FSTL5: variants seen among roughly 807,000 people sequenced by gnomAD.
FSTL5 encodes follistatin-related protein 5.
A neutral mutation model predicts 89.1 loss-of-function variants in FSTL5; 62 were observed. The observed-to-expected ratio is 0.70, with a 90% CI of 0.57 to 0.86. The LOEUF (loss-of-function observed/expected upper bound fraction) is 0.86, where lower values mean the gene tolerates loss of function less well. FSTL5 is among the 40% of genes least tolerant of loss of function. FSTL5 has a pLI of 0.00. For missense variants in FSTL5, 1,057 were observed against 1,001.6 expected (o/e 1.06, Z -0.75); for synonymous variants, 383 against 346.2 (o/e 1.11, Z -1.18).
intron 3 of FSTL5, among the ~76,000 whole-genome samples, chr4:161,944,370 GA>G (rs1273980143): frequency 1.3e-5 from 2 of 151,684 alleles, no homozygotes; most frequent in Non-Finnish European, 2.9e-5. Context: ...TTAAAAATTA[GA>G]AAAAAATTTA....
intron 6 of FSTL5, among the ~76,000 whole-genome samples, chr4:161,660,797 C>T (rs2126686729): frequency 6.6e-6 from 1 of 152,224 alleles, no homozygotes; most frequent in South Asian, 2.1e-4. Context: ...TGGCAAAGAA[C>T]ATGATCTTGT....
At chr4:161,633,189 C>T (rs1473141679) in intron 7 of FSTL5, among the ~76,000 whole-genome samples, 4 of 151,462 alleles carry the variant, frequency 2.6e-5, no homozygotes, top group African/African-American at 9.7e-5. Flanking sequence ...TATTTAGCAT[C>T]CCTCAAAACT....
At chr4:161,972,951 T>G (rs45426) in intron 3 of FSTL5, among the ~76,000 whole-genome samples, 96,935 of 152,030 alleles carry the variant, frequency 0.64, 31,921 homozygotes, top group African/African-American at 0.81. Flanking sequence ...CTGCCTCTAT[T>G]TTTCAACTGC....
chr4:161,880,930 T>C (rs1456628266), intron 4 of FSTL5, among the ~76,000 whole-genome samples: 1 of 151,996 alleles, frequency 6.6e-6, no homozygotes, highest in African/African-American at 2.4e-5. Context: ...AAAGGAAATT[T>C]TTTTGAGTGA....
At chr4:162,017,970 G>T (rs1024037083) in intron 3 of FSTL5, among the ~76,000 whole-genome samples, 1 of 152,024 alleles carries the variant, frequency 6.6e-6, no homozygotes, top group African/African-American at 2.4e-5. Flanking sequence ...TGCTTTGCTA[G>T]AACCCCTCCA....
intron 6 of FSTL5, among the ~76,000 whole-genome samples, chr4:161,686,081 T>C (rs1737699971): frequency 6.6e-6 from 1 of 151,874 alleles, no homozygotes; most frequent in African/African-American, 2.4e-5. Context: ...TGTGAAACCA[T>C]CCCTGTATCC....
At chr4:161,752,212 A>G (rs1303679071) in intron 6 of FSTL5, among the ~76,000 whole-genome samples, 1 of 149,206 alleles carries the variant, frequency 6.7e-6, no homozygotes, top group Non-Finnish European at 1.5e-5. Flanking sequence ...AAATATAGAC[A>G]GATGATAGAT....
chr4:161,724,439 CAT>C (rs1739323199), intron 6 of FSTL5, among the ~76,000 whole-genome samples: 1 of 152,028 alleles, frequency 6.6e-6, no homozygotes, highest in Admixed American at 6.5e-5. Context: ...AACATTCACT[CAT>C]ATATGTACAT....
intron 6 of FSTL5, among the ~76,000 whole-genome samples, chr4:161,742,303 C>T (rs531157900): frequency 1.3e-5 from 2 of 152,156 alleles, no homozygotes; most frequent in South Asian, 4.1e-4. Flanking sequence ...GATTAAGAGT[C>T]AACAACAATG....
At chr4:161,873,938 T>G (rs1016121383) in intron 4 of FSTL5, among the ~76,000 whole-genome samples, 2 of 152,110 alleles carry the variant, frequency 1.3e-5, no homozygotes, top group African/African-American at 4.8e-5. Context: ...TCTTTTGTGT[T>G]GTGAAATTAT....
intron 10 of FSTL5, among the ~76,000 whole-genome samples, chr4:161,535,568 T>G (rs1042403220): frequency 1.3e-5 from 2 of 151,996 alleles, no homozygotes; most frequent in African/African-American, 4.8e-5. Context: ...TGGCTATTAT[T>G]AAAAAGTCAA....
At chr4:161,449,890 T>C (rs1260616696) in intron 15 of FSTL5, among the ~76,000 whole-genome samples, 4 of 152,204 alleles carry the variant, frequency 2.6e-5, no homozygotes, top group Non-Finnish European at 4.4e-5. Context: ...TGTTATTCTC[T>C]TGCCAACACA....
intron 3 of FSTL5, among the ~76,000 whole-genome samples, chr4:161,992,597 C>T (rs1736143598): frequency 6.6e-6 from 1 of 151,708 alleles, no homozygotes; most frequent in African/African-American, 2.4e-5. Context: ...AATCCCAGCA[C>T]TTTGGAAAGC....
At chr4:162,139,107 T>C (rs72986960) in intron 1 of FSTL5, among the ~76,000 whole-genome samples, 35,273 of 151,922 alleles carry the variant, frequency 0.23, 4,286 homozygotes, top group Non-Finnish European at 0.25. Context: ...TTTTACATTC[T>C]GGGGTACATG....
chr4:161,564,167 A>G (rs1732715761), intron 8 of FSTL5, among the ~76,000 whole-genome samples: 1 of 151,542 alleles, frequency 6.6e-6, no homozygotes. Flanking sequence ...TTCTACAACA[A>G]TACTTGATGT....
At chr4:161,624,550 T>A (rs10517748) in intron 7 of FSTL5, among the ~76,000 whole-genome samples, 1 of 151,086 alleles carries the variant, frequency 6.6e-6, no homozygotes. Context: ...AGATTATAGG[T>A]GTACATTTTT....
At chr4:162,044,713 C>G (rs977123813) in intron 2 of FSTL5, among the ~76,000 whole-genome samples, 4 of 152,152 alleles carry the variant, frequency 2.6e-5, no homozygotes, top group African/African-American at 9.7e-5. Context: ...CATTAATTAT[C>G]TTAGGTTTTC....
chr4:161,767,677 T>C (rs1349925493), intron 5 of FSTL5, among the ~76,000 whole-genome samples: 1 of 152,112 alleles, frequency 6.6e-6, no homozygotes, highest in Admixed American at 6.6e-5. Flanking sequence ...CTTATGCAAA[T>C]GGAATAGCAA....
intron 12 of FSTL5, among the ~76,000 whole-genome samples, chr4:161,495,767 G>A (rs1186236013): frequency 6.6e-6 from 1 of 151,866 alleles, no homozygotes; most frequent in Non-Finnish European, 1.5e-5. Context: ...TCTTAATGTC[G>A]ACCATGAATT....
Sources: gnomAD v4.1 joint callset for allele counts (sites outside exome capture counted in the v4.1 genomes callset) on GRCh38, gnomAD v4.1.1 for gene constraint, MANE v1.5 for transcripts, NCBI Gene and HGNC (gene_info 2026-07-23, HGNC 2026-07-21) for gene names.